Variants in DPYD observed in about 807,000 individuals in gnomAD.
DPYD encodes the protein dihydropyrimidine dehydrogenase [NADP(+)].
DPYD carries 109 observed loss-of-function variants against 116.2 expected under a neutral mutation model. The observed-to-expected ratio is 0.94, with a 90% CI of 0.80 to 1.10. The LOEUF is 1.10. Ranked by LOEUF, DPYD falls within the 50% of genes least tolerant of loss-of-function variation. The probability of loss-of-function intolerance (pLI) is 0.00; values close to 1 mark genes in which losing one functional copy is unlikely to be tolerated. For missense variants in DPYD, 1,302 were observed against 1,254.5 expected (o/e 1.04, Z -0.57); for synonymous variants, 440 against 432.0 (o/e 1.02, Z -0.23).
At chr1:97,195,807 G>A (rs936556131) in intron 19 of DPYD, among the ~76,000 whole-genome samples, 2 of 150,402 alleles carry the variant, frequency 1.3e-5, no homozygotes, top group Non-Finnish European at 3.0e-5. Flanking sequence ...AGATGATCGT[G>A]AGGGACACCG....
At chr1:97,391,361 T>C (rs565815087) in intron 14 of DPYD, among the ~76,000 whole-genome samples, 13 of 152,128 alleles carry the variant, frequency 8.5e-5, no homozygotes, top group Non-Finnish European at 1.6e-4. Context: ...ACACTATATA[T>C]GCTTTTGTTT....
At chr1:97,739,246 TA>T (rs1224287661) in intron 4 of DPYD, among the ~76,000 whole-genome samples, 2 of 152,216 alleles carry the variant, frequency 1.3e-5, no homozygotes, top group East Asian at 3.9e-4. Context: ...TAATTCCACA[TA>T]AAAAATTGTT....
At chr1:97,758,360 CAAA>C (rs34224428) in intron 3 of DPYD, among the ~76,000 whole-genome samples, 12 of 138,894 alleles carry the variant, frequency 8.6e-5, no homozygotes, top group Non-Finnish European at 1.1e-4. Context: ...ATTATGAGAG[CAAA>C]AAAAAAAAAA....
chr1:97,824,100 C>T (rs1430530814), intron 3 of DPYD, among the ~76,000 whole-genome samples: 2 of 152,082 alleles, frequency 1.3e-5, no homozygotes, highest in Non-Finnish European at 2.9e-5. Context: ...ATTTTGAATA[C>T]AATCACATTA....
intron 16 of DPYD, among the ~76,000 whole-genome samples, chr1:97,308,790 A>G (rs544599452): frequency 6.6e-6 from 1 of 152,032 alleles, no homozygotes; most frequent in Non-Finnish European, 1.5e-5. Flanking sequence ...ATTGAAATAA[A>G]TAAGTTTTAG....
rs190136297 is a variant in DPYD, at chr1:97,534,517, C to T, written c.1524+15043G>A. On this transcript the variant is annotated intron_variant, in intron 12 of 22. Transcript: ENST00000370192. ...AACTTGGGTTCTACCCCCAGCATTG[C>T]CATTAACTAGTTTTAACACCTTAAG... Among the ~76,000 whole-genome samples, 543 of 152,032 alleles carry T rather than the reference C, an allele frequency of 3.6e-3. 4 individuals carry two copies. The highest frequency in any genetic ancestry group is 0.019 in the South Asian group (93 of 4,800).
intron 14 of DPYD, among the ~76,000 whole-genome samples, chr1:97,433,205 G>C (rs1281233909): frequency 6.6e-6 from 1 of 152,120 alleles, no homozygotes; most frequent in East Asian, 1.9e-4. Flanking sequence ...TTAACTGGAG[G>C]AGGCCCTGCT....
chr1:97,145,450 G>A (rs992261731), intron 20 of DPYD, among the ~76,000 whole-genome samples: 1 of 152,112 alleles, frequency 6.6e-6, no homozygotes, highest in Non-Finnish European at 1.5e-5. Flanking sequence ...CCAAGCTACC[G>A]AAACTGGTGA....
chr1:97,462,308 C>T (rs1570772176), intron 13 of DPYD, among the ~76,000 whole-genome samples: 1 of 152,312 alleles, frequency 6.6e-6, no homozygotes, highest in Middle Eastern at 3.4e-3. Context: ...TAATACACTT[C>T]TCAGTTCATC....
At chr1:97,509,372 C>T (rs944013784) in intron 13 of DPYD, among the ~76,000 whole-genome samples, 1 of 151,904 alleles carries the variant, frequency 6.6e-6, no homozygotes, top group Non-Finnish European at 1.5e-5. Flanking sequence ...GGTGAACAAA[C>T]TGTTGTAGAG....
chr1:97,565,812 T>C lies in DPYD; in HGVS notation c.1339+7948A>G, dbSNP rs565438620. 2.0e-5 allele frequency among the ~76,000 whole-genome samples: 3 copies of C among 152,252 alleles called. No individual in the cohort carries two copies. The East Asian group carries it at 5.8e-4, about 29-fold the overall frequency. On this transcript the variant is annotated intron_variant, in intron 11 of 22. Coordinates refer to ENST00000370192, the MANE Select transcript of DPYD (RefSeq NM_000110.4). ...ACAGTTGTGCATCAAGAAATGTTCA[T>C]TGCATGGTGAATAATGAGAGAATGA...
At chr1:97,162,434 G>A (rs1655988933) in intron 20 of DPYD, among the ~76,000 whole-genome samples, 1 of 152,086 alleles carries the variant, frequency 6.6e-6, no homozygotes, top group Non-Finnish European at 1.5e-5. Context: ...GGACGTGAAG[G>A]ACCTCTTCAA....
chr1:97,318,860 A>G (rs201849475), intron 16 of DPYD, among the ~76,000 whole-genome samples: 5 of 149,502 alleles, frequency 3.3e-5, no homozygotes, highest in Non-Finnish European at 4.4e-5. Context: ...ATGTAAAAGA[A>G]CAGAAATTAT....
At chr1:97,329,415 T>G (rs1483051394) in intron 16 of DPYD, among the ~76,000 whole-genome samples, 2 of 152,056 alleles carry the variant, frequency 1.3e-5, no homozygotes, top group African/African-American at 4.8e-5. Context: ...AAGTGATGTT[T>G]GATGAGCACT....
chr1:97,717,919 G>A (rs1280633199), intron 5 of DPYD, among the ~76,000 whole-genome samples: 2 of 151,748 alleles, frequency 1.3e-5, no homozygotes, highest in Non-Finnish European at 2.9e-5. Context: ...GAATTGTGTT[G>A]CTATAAACAT....
At chr1:97,809,620 T>C (rs1396055346) in intron 3 of DPYD, among the ~76,000 whole-genome samples, 1 of 152,154 alleles carries the variant, frequency 6.6e-6, no homozygotes, top group Non-Finnish European at 1.5e-5. Context: ...CTAACTTCTG[T>C]TGAACTACAA....
chr1:97,815,201 T>C (rs564555525), intron 3 of DPYD, among the ~76,000 whole-genome samples: 2 of 152,146 alleles, frequency 1.3e-5, no homozygotes, highest in Non-Finnish European at 2.9e-5. Context: ...AGTGGCTAAG[T>C]CAAGTGTCTC....
At chr1:97,328,550 T>G (rs1033256705) in intron 16 of DPYD, among the ~76,000 whole-genome samples, 7 of 152,174 alleles carry the variant, frequency 4.6e-5, no homozygotes, top group Non-Finnish European at 1.0e-4. Context: ...CCTTCAGATT[T>G]TACTCAGATT....
chr1:97,380,385 T>A (rs1187324112), intron 15 of DPYD, among the ~76,000 whole-genome samples: 1 of 152,222 alleles, frequency 6.6e-6, no homozygotes, highest in African/African-American at 2.4e-5. Context: ...GCTACTAATT[T>A]GACACAAGCA....
Sources: gnomAD v4.1 joint callset for allele counts (sites outside exome capture counted in the v4.1 genomes callset) on GRCh38, gnomAD v4.1.1 for gene constraint, MANE v1.5 for transcripts, NCBI Gene and HGNC (gene_info 2026-07-23, HGNC 2026-07-21) for gene names.